TSPAN8: variants seen among roughly 807,000 people sequenced by gnomAD.
The protein encoded by TSPAN8 is tetraspanin 8, also known as tetraspanin-8.
TSPAN8 carries 21 observed loss-of-function variants against 32.8 expected under a neutral mutation model. The observed-to-expected ratio is 0.64, with a 90% CI of 0.45 to 0.92. The LOEUF is 0.92. TSPAN8 is among the 40% of genes least tolerant of loss of function. The pLI is 0.00. For missense variants in TSPAN8, 269 were observed against 281.9 expected (o/e 0.95, Z 0.33); for synonymous variants, 95 against 94.6 (o/e 1.00, Z -0.03).
At chr12:71,144,306 C>G (rs1872003330) in intron 2 of TSPAN8, 93 bp from the exon 3 acceptor site, 2 of 1,089,172 alleles carry the variant, frequency 1.8e-6, no homozygotes, top group East Asian at 5.0e-5. Flanking sequence ...GACAGTAGTT[C>G]ATCATCGACT....
At chr12:71,131,936 C>T (rs561884858) in intron 7 of TSPAN8, among the ~76,000 whole-genome samples, 4 of 152,056 alleles carry the variant, frequency 2.6e-5, no homozygotes, top group African/African-American at 9.6e-5. Flanking sequence ...AGCATCAGCT[C>T]CATGAGCGCA....
chr12:71,134,254 T>G (rs1384466220), intron 6 of TSPAN8, among the ~76,000 whole-genome samples: 2 of 152,210 alleles, frequency 1.3e-5, no homozygotes, highest in Admixed American at 6.5e-5. Flanking sequence ...TTTGTTTTCA[T>G]TGTTTGCTGT....
intron 2 of TSPAN8, among the ~76,000 whole-genome samples, chr12:71,154,311 A>AAATAAT (rs58976021): frequency 0.022 from 3,027 of 137,128 alleles, 53 homozygotes; most frequent in East Asian, 0.035. Context: ...CTCTGTCTCA[A>AAATAAT]AATAATAATA....
chr12:71,147,598 A>G (rs1476691181), intron 2 of TSPAN8, among the ~76,000 whole-genome samples: 3 of 152,244 alleles, frequency 2.0e-5, no homozygotes, highest in Non-Finnish European at 4.4e-5. Context: ...GCCCTAACAT[A>G]CTAGGACTGT....
Position 71,125,121 on chromosome 12 carries a change from G to T in TSPAN8, c.*213C>A. The T allele has an allele frequency of 2.2e-6, 1 of 463,444 alleles. No individual in the cohort carries two copies. Among genetic ancestry groups the T allele is most frequent in the Non-Finnish European group, 3.8e-6 (1 of 260,512 alleles). 28.7% of individuals were successfully genotyped at this position (463,444 alleles called of 1,614,324 possible). On this transcript the variant is annotated 3_prime_UTR_variant, in exon 9 of 9. Transcript: ENST00000247829. ...CAACGTAAACAGTTACTTTTATTTT[G>T]AGTAAAAATACACATTCATATCATT...
chr12:71,131,908 T>C (rs1871529108), intron 7 of TSPAN8, among the ~76,000 whole-genome samples: 1 of 151,936 alleles, frequency 6.6e-6, no homozygotes, highest in Non-Finnish European at 1.5e-5. Context: ...CTAACTATCT[T>C]TCTCTCTTCC....
intron 7 of TSPAN8, among the ~76,000 whole-genome samples, chr12:71,130,427 G>T (rs1182431991): frequency 6.6e-6 from 1 of 152,078 alleles, no homozygotes; most frequent in Non-Finnish European, 1.5e-5. Context: ...GCATTTTCAT[G>T]CTTAAAACAT....
rs777860431 is a variant in TSPAN8 at position 71,138,160 on chromosome 12, G to A, written c.332C>T (p.Ser111Phe). 1.3e-5 allele frequency: 21 copies of A among 1,613,796 alleles called. No individual in the cohort carries two copies. The Admixed American group carries it at 3.5e-4, about 27-fold the overall frequency. The change falls in exon 5 of 9, where the codon TCT (serine) becomes TTT (phenylalanine). Residue 111 changes from serine (S) to phenylalanine (F), a missense_variant. Transcript: ENST00000247829. The part of the protein sequence containing the change: ...ATGILGAVFK[S>F]KSDRIVNETL... ...TTCAAACATCTGTGCACACACCTTA[G>A]ATTTGAAAACAGCTCCTAGGATACC... is the stretch of plus-strand genomic sequence containing the variant.
intron 7 of TSPAN8, among the ~76,000 whole-genome samples, chr12:71,131,350 C>T (rs538519163): frequency 3.3e-5 from 5 of 152,102 alleles, no homozygotes; most frequent in South Asian, 2.1e-4. Flanking sequence ...TAAATCTTAG[C>T]GACATACTTT....
intron 2 of TSPAN8, among the ~76,000 whole-genome samples, chr12:71,146,233 A>G (rs1453360357): frequency 6.6e-6 from 1 of 152,148 alleles, no homozygotes; most frequent in Non-Finnish European, 1.5e-5. Flanking sequence ...TATCATTTCC[A>G]CCCCTAACTC....
chr12:71,127,314 G>T (rs1042357567), intron 8 of TSPAN8, among the ~76,000 whole-genome samples: 1 of 151,790 alleles, frequency 6.6e-6, no homozygotes, highest in African/African-American at 2.4e-5. Flanking sequence ...TTTATAGACT[G>T]GGTGTCAGAA....
At chr12:71,150,212 A>G (rs1872207856) in intron 2 of TSPAN8, among the ~76,000 whole-genome samples, 1 of 152,168 alleles carries the variant, frequency 6.6e-6, no homozygotes, top group African/African-American at 2.4e-5. Flanking sequence ...TAAGATGTTT[A>G]TCAAGACAAC....
intron 6 of TSPAN8, among the ~76,000 whole-genome samples, chr12:71,136,568 A>G (rs1871703771): frequency 6.6e-6 from 1 of 152,228 alleles, no homozygotes; most frequent in South Asian, 2.1e-4. Flanking sequence ...CAGTTGTTCA[A>G]GGGACCCTGA....
intron 6 of TSPAN8, 122 bp downstream of exon 6, chr12:71,137,831 A>G: frequency 1.2e-6 from 1 of 817,518 alleles, no homozygotes; most frequent in South Asian, 1.9e-5. Flanking sequence ...ATGGTGACAG[A>G]ATAATCAATC....
At chr12:71,149,730 C>CGTCA (rs1284027193) in intron 2 of TSPAN8, among the ~76,000 whole-genome samples, 1 of 152,210 alleles carries the variant, frequency 6.6e-6, no homozygotes, top group Non-Finnish European at 1.5e-5. Context: ...TGAGGATGTA[C>CGTCA]GTCACCTCAG....
chr12:71,125,154 A>T lies in TSPAN8; in HGVS notation c.*180T>A, dbSNP rs1213370601. The T allele has an allele frequency of 1.4e-5, 7 of 506,522 alleles. No homozygotes were observed. Among genetic ancestry groups the T allele is most frequent in the East Asian group, 3.1e-5 (1 of 32,224 alleles). The allele number at this position is 506,522 out of a possible 1,614,324, so 31.4% of individuals were successfully genotyped here. ...ATACACATTCATATCATTTTCCCTT[A>T]TATCCCTCAAATCTTAAATGTGTTC... On this transcript the variant is annotated 3_prime_UTR_variant, in exon 9 of 9. Transcript: ENST00000247829.
At chr12:71,125,539 C>T (rs1871324709) in intron 8 of TSPAN8, 152 bp from the exon 9 acceptor site, 3 of 639,638 alleles carry the variant, frequency 4.7e-6, no homozygotes, top group African/African-American at 3.7e-5. Context: ...ATTAGAGGTT[C>T]CAATGGGACA....
At chr12:71,129,202 A>AAAGCATC in intron 8 of TSPAN8, 129 bp downstream of exon 8, 1 of 1,006,324 alleles carries the variant, frequency 9.9e-7, no homozygotes, top group South Asian at 1.7e-5. Context: ...GTGCTTTTCT[A>AAAGCATC]AAGCATCTGC....
At position 71,129,386 on chromosome 12, in the gene TSPAN8, A is replaced by G; in HGVS notation, c.605T>C (p.Leu202Ser). 1 of 1,586,020 alleles carries G rather than the reference A, an allele frequency of 6.3e-7. No individual in the cohort carries two copies. ...ETCISFIKDFLAKNLIIVIGI... is the reference protein window; with the variant it reads ...ETCISFIKDFSAKNLIIVIGI... ...AATAACTATAATCAAATTTTTTGCC[A>G]AGAAGTCTTTTATGAAAGAAATACA... Residue 202 changes from leucine (L) to serine (S), a missense_variant, in exon 8 of 9, where the codon TTG becomes TCG. Physicochemically the swap from Leu to Ser is moderately radical, Grantham distance 145 (BLOSUM62 -2). Transcript: ENST00000247829.
Sources: gnomAD v4.1 joint callset for allele counts (sites outside exome capture counted in the v4.1 genomes callset) on GRCh38, gnomAD v4.1.1 for gene constraint, MANE v1.5 for transcripts, NCBI Gene and HGNC (gene_info 2026-07-23, HGNC 2026-07-21) for gene names.